HTR1F: variants seen among roughly 807,000 people sequenced by gnomAD.
HTR1F encodes 5-hydroxytryptamine receptor 1F.
In HTR1F, 17 loss-of-function variants were observed where a neutral mutation model predicts 24.0. That is an observed-to-expected ratio of 0.71 (90% CI 0.48 to 1.06). The LOEUF (loss-of-function observed/expected upper bound fraction) is 1.06, where lower values mean the gene tolerates loss of function less well. Among genes scored for constraint, HTR1F ranks in the 50% least tolerant of loss-of-function variants. HTR1F has a pLI of 0.00. For synonymous variants in HTR1F, 186 were observed against 156.8 expected, an observed-to-expected ratio of 1.19 and a Z score of -1.39; for missense variants, 391 against 427.8, an observed-to-expected ratio of 0.91 and a Z score of 0.76.
intron 2 of HTR1F, among the ~76,000 whole-genome samples, chr3:87,892,733 T>G (rs1230170116): frequency 6.6e-6 from 1 of 152,194 alleles, no homozygotes; most frequent in African/African-American, 2.4e-5. Context: ...ACACAATTAA[T>G]TATATTATCG....
At chr3:87,941,364 C>T (rs551015537) in intron 2 of HTR1F, among the ~76,000 whole-genome samples, 81 of 152,288 alleles carry the variant, frequency 5.3e-4, no homozygotes, top group Non-Finnish European at 9.1e-4. Context: ...ACGATCCTCA[C>T]GGAGGGCCCT....
At chr3:87,883,774 C>T (rs1357371748) in intron 2 of HTR1F, among the ~76,000 whole-genome samples, 2 of 151,894 alleles carry the variant, frequency 1.3e-5, no homozygotes, top group African/African-American at 4.8e-5. Flanking sequence ...TGAAATAAAG[C>T]AAGAAGACAA....
intron 2 of HTR1F, among the ~76,000 whole-genome samples, chr3:87,864,832 G>T (rs1002286210): frequency 6.7e-6 from 1 of 149,774 alleles, no homozygotes; most frequent in Non-Finnish European, 1.5e-5. Flanking sequence ...GGAGGCAAAG[G>T]TTGCAGTGAG....
chr3:87,812,827 C>T (rs1480309031), intron 1 of HTR1F, among the ~76,000 whole-genome samples: 2 of 152,222 alleles, frequency 1.3e-5, no homozygotes, highest in African/African-American at 4.8e-5. Flanking sequence ...GACCAAAGTA[C>T]AGCTTAGGCA....
chr3:87,908,074 A>G lies in HTR1F; in HGVS notation c.-42-82634A>G, dbSNP rs955991679. Among the ~76,000 whole-genome samples, 4 of 152,042 alleles carry G rather than the reference A, an allele frequency of 2.6e-5. No individual in the cohort carries two copies. The East Asian group carries it at 7.7e-4, about 29-fold the overall frequency. The stretch of plus-strand genomic sequence containing the variant: ...GAAAAATACTTTTTCGAATCTTTCC[A>G]TAAGTGTTATACCAACACATATAGA... On this transcript the variant is annotated intron_variant, in intron 2 of 2. Coordinates refer to ENST00000319595, the MANE Select transcript of HTR1F (RefSeq NM_001322209.2).
intron 2 of HTR1F, among the ~76,000 whole-genome samples, chr3:87,869,443 AGATAGATAGAT>A (rs1559612417): frequency 5.2e-4 from 62 of 118,100 alleles, no homozygotes; most frequent in Non-Finnish European, 7.7e-4. Flanking sequence ...ATACATAGAT[AGATAGATAGAT>A]GATAGATAGA....
At chr3:87,883,776 A>G (rs759648591) in intron 2 of HTR1F, among the ~76,000 whole-genome samples, 2 of 152,194 alleles carry the variant, frequency 1.3e-5, no homozygotes, top group Non-Finnish European at 2.9e-5. Context: ...AAATAAAGCA[A>G]GAAGACAAGT....
chr3:87,810,561 A>C (rs1296058057), intron 1 of HTR1F, among the ~76,000 whole-genome samples: 5 of 152,116 alleles, frequency 3.3e-5, no homozygotes, highest in African/African-American at 7.2e-5. Flanking sequence ...TTCTAGATAG[A>C]TAGCTTTTTT....
intron 2 of HTR1F, among the ~76,000 whole-genome samples, chr3:87,935,425 T>TA (rs974526172): frequency 2.0e-4 from 31 of 152,116 alleles, no homozygotes; most frequent in African/African-American, 6.8e-4. Context: ...CCCCAGTTTT[T>TA]ACCTAAATAA....
chr3:87,835,088 G>A (rs367854522), intron 2 of HTR1F, among the ~76,000 whole-genome samples: 7 of 152,204 alleles, frequency 4.6e-5, no homozygotes, highest in Middle Eastern at 3.4e-3. Context: ...CATTTTCTCC[G>A]TACTTTTCTA....
In HTR1F at chr3:87,960,877, A is replaced by G. The variant is rs142133192; in HGVS notation, c.-42-29831A>G. Among the ~76,000 whole-genome samples, 199 of 152,080 alleles carry G rather than the reference A, an allele frequency of 1.3e-3. 1 individual carries two copies. The highest frequency in any genetic ancestry group is 2.2e-3 in the Non-Finnish European group (148 of 67,940). Reference sequence around the variant, plus strand: ...ACTGCTTACTAATGACTATCATGCTACTTTACTCTTTAAGCCACCTGTGAC... The same window carrying G: ...ACTGCTTACTAATGACTATCATGCTGCTTTACTCTTTAAGCCACCTGTGAC... On this transcript the variant is annotated intron_variant, in intron 2 of 2. Transcript: ENST00000319595.
chr3:87,947,376 A>G (rs2107454899), intron 2 of HTR1F, among the ~76,000 whole-genome samples: 1 of 152,316 alleles, frequency 6.6e-6, no homozygotes, highest in East Asian at 1.9e-4. Flanking sequence ...TCTCTTAACA[A>G]ACAAGTGAAA....
At chr3:87,982,297 G>A (rs1387395867) in intron 2 of HTR1F, among the ~76,000 whole-genome samples, 1 of 152,080 alleles carries the variant, frequency 6.6e-6, no homozygotes, top group East Asian at 1.9e-4. Context: ...GCTAGAGAAA[G>A]GGACTTCTAA....
At chr3:87,910,503 A>G (rs1444670797) in intron 2 of HTR1F, among the ~76,000 whole-genome samples, 1 of 152,098 alleles carries the variant, frequency 6.6e-6, no homozygotes, top group East Asian at 1.9e-4. Flanking sequence ...AGAGACTTAG[A>G]GTCCCGCACA....
chr3:87,884,937 C>A (rs1361675106), intron 2 of HTR1F, among the ~76,000 whole-genome samples: 1 of 152,122 alleles, frequency 6.6e-6, no homozygotes, highest in East Asian at 1.9e-4. Flanking sequence ...ATCAATGAGT[C>A]AGAAGGTTAA....
chr3:87,881,187 G>T (rs189311088), intron 2 of HTR1F, among the ~76,000 whole-genome samples: 6 of 152,306 alleles, frequency 3.9e-5, no homozygotes, highest in African/African-American at 7.2e-5. Flanking sequence ...AAGGGAAGCC[G>T]TGACAGACTG....
At chr3:87,922,405 T>C (rs1382543564) in intron 2 of HTR1F, among the ~76,000 whole-genome samples, 5 of 151,956 alleles carry the variant, frequency 3.3e-5, no homozygotes, top group Non-Finnish European at 7.4e-5. Context: ...TTCTATATGG[T>C]AAATATTAAG....
intron 2 of HTR1F, among the ~76,000 whole-genome samples, chr3:87,931,026 C>CTTTTTTTTTTTTTTTTTTTTTTTTT (rs34617109): frequency 9.1e-5 from 12 of 131,808 alleles, no homozygotes; most frequent in South Asian, 2.7e-4. Flanking sequence ...ATAGTCTTTC[C>CTTTTTTTTTTTTTTTTTTTTTTTTT]TTTTTTTTTT....
chr3:87,804,458 T>A (rs1704043102), intron 1 of HTR1F, among the ~76,000 whole-genome samples: 3 of 152,150 alleles, frequency 2.0e-5, no homozygotes, highest in African/African-American at 7.2e-5. Flanking sequence ...TCAAAAAAAA[T>A]TGAGTATAAC....
Sources: allele counts gnomAD v4.1 joint callset (sites outside exome capture counted in the v4.1 genomes callset), GRCh38; gene constraint gnomAD v4.1.1; transcripts MANE v1.5; gene names NCBI Gene and HGNC (gene_info 2026-07-23, HGNC 2026-07-21).